Variants in PDE3A observed in about 807,000 individuals in gnomAD.
PDE3A encodes the protein cGMP-inhibited 3',5'-cyclic phosphodiesterase 3A.
A neutral mutation model predicts 98.3 loss-of-function variants in PDE3A; 43 were observed. The observed-to-expected ratio is 0.44, with a 90% CI of 0.34 to 0.56. The LOEUF is 0.56. PDE3A is among the 20% of genes least tolerant of loss of function. PDE3A has a pLI of 0.01. For missense variants in PDE3A, 1,427 were observed against 1,440.7 expected (o/e 0.99, Z 0.15); for synonymous variants, 663 against 567.9 (o/e 1.17, Z -2.38).
At chr12:20,587,293 C>A (rs149869332) in intron 2 of PDE3A, among the ~76,000 whole-genome samples, 1 of 152,056 alleles carries the variant, frequency 6.6e-6, no homozygotes, top group South Asian at 2.1e-4. Context: ...CGCTTGAACG[C>A]GGGAGGCAGA....
intron 1 of PDE3A, among the ~76,000 whole-genome samples, chr12:20,453,927 C>T (rs919449945): frequency 4.6e-5 from 7 of 152,188 alleles, no homozygotes; most frequent in African/African-American, 1.2e-4. Context: ...TTACTCATCA[C>T]GCAGTGGCAG....
At chr12:20,589,639 C>T (rs1035252469) in intron 2 of PDE3A, among the ~76,000 whole-genome samples, 1 of 151,802 alleles carries the variant, frequency 6.6e-6, no homozygotes, top group Non-Finnish European at 1.5e-5. Flanking sequence ...GAGGCCGAGG[C>T]GGGCAGATCA....
intron 1 of PDE3A, chr12:20,551,813 G>A (rs1035596568): frequency 4.3e-6 from 7 of 1,613,856 alleles, no homozygotes; most frequent in African/African-American, 4.0e-5. Flanking sequence ...TCCTCACAGC[G>A]GGACTGGGAC....
At chr12:20,370,410 TTTTTTTTTTTTTG>T (rs1943450716) in intron 1 of PDE3A, 166 bp downstream of exon 1, 1 of 254,236 alleles carries the variant, frequency 3.9e-6, no homozygotes, top group Admixed American at 6.4e-5. Context: ...GTTTTTTTTG[TTTTTTTTTTTTTG>T]TTTTTTTGCC....
In PDE3A at chr12:20,679,846, GCATT is replaced by G. The variant is rs372040827; in HGVS notation, c.3185-183_3185-180del. 2.2e-4 allele frequency among the ~76,000 whole-genome samples: 33 copies of G among 148,020 alleles called. 1 individual carries two copies. The South Asian group carries it at 7.0e-3, about 31-fold the overall frequency. On this transcript the variant is annotated intron_variant, in intron 15 of 15. Coordinates refer to ENST00000359062, the MANE Select transcript of PDE3A (RefSeq NM_000921.5). ...TCTTTTTTCCCCATTCTCCAAAACT[GCATT>G]ATTATAATATACAGTATTATAATAT...
intron 2 of PDE3A, among the ~76,000 whole-genome samples, chr12:20,573,310 G>T (rs1782619090): frequency 6.6e-6 from 1 of 151,774 alleles, no homozygotes; most frequent in Admixed American, 6.6e-5. Context: ...CTCAGTTAAG[G>T]TTTTGGGGCA....
chr12:20,508,738 C>G (rs1196046700), intron 1 of PDE3A, among the ~76,000 whole-genome samples: 1 of 151,428 alleles, frequency 6.6e-6, no homozygotes, highest in African/African-American at 2.4e-5. Flanking sequence ...ACATAAAAAG[C>G]TCATTGTGAT....
intron 1 of PDE3A, among the ~76,000 whole-genome samples, chr12:20,521,307 G>T (rs1946420997): frequency 6.6e-6 from 1 of 152,060 alleles, no homozygotes. Flanking sequence ...AAAATTTGTG[G>T]TACGAAAGAG....
intron 1 of PDE3A, among the ~76,000 whole-genome samples, chr12:20,460,253 TG>T (rs1268334284): frequency 6.6e-6 from 1 of 152,186 alleles, no homozygotes; most frequent in African/African-American, 2.4e-5. Context: ...ATCAGAAAGA[TG>T]GGGATGGAGT....
chr12:20,608,258 G>C (rs960973034), intron 2 of PDE3A, among the ~76,000 whole-genome samples: 2 of 152,294 alleles, frequency 1.3e-5, no homozygotes, highest in Admixed American at 6.5e-5. Flanking sequence ...GAAGCCTTTA[G>C]TTATTTGAGC....
chr12:20,544,213 A>T (rs2121229451), intron 1 of PDE3A, among the ~76,000 whole-genome samples: 1 of 150,080 alleles, frequency 6.7e-6, no homozygotes, highest in East Asian at 1.9e-4. Context: ...GTGTATATAT[A>T]TTTCCCTAAT....
At chr12:20,539,989 G>A (rs549763981) in intron 1 of PDE3A, among the ~76,000 whole-genome samples, 2 of 152,214 alleles carry the variant, frequency 1.3e-5, no homozygotes, top group Non-Finnish European at 2.9e-5. Flanking sequence ...ATTGGGATTT[G>A]ATTATAAGAA....
chr12:20,517,123 C>T (rs968287626), intron 1 of PDE3A, among the ~76,000 whole-genome samples: 1 of 152,212 alleles, frequency 6.6e-6, no homozygotes, highest in East Asian at 1.9e-4. Context: ...TCATACTTTC[C>T]AATGCGGTTC....
Position 20,685,601 on chromosome 12 carries a change from G to C in PDE3A, c.*5330G>C, listed in dbSNP as rs1260629446. Among the ~76,000 whole-genome samples, 1 of 151,912 alleles carries C rather than the reference G, an allele frequency of 6.6e-6. No individual in the cohort carries two copies. The highest frequency in any genetic ancestry group is 2.4e-5 in the African/African-American group (1 of 41,354). On this transcript the variant is annotated 3_prime_UTR_variant, in exon 16 of 16. Coordinates refer to ENST00000359062, the MANE Select transcript of PDE3A (RefSeq NM_000921.5). ...TATATATAAATGGAAAACAAAATTA[G>C]CTTTTGACATATGTTTAAGTCTCTA... is the stretch of plus-strand genomic sequence containing the variant.
intron 1 of PDE3A, among the ~76,000 whole-genome samples, chr12:20,446,053 C>A (rs1944947694): frequency 6.6e-6 from 1 of 152,104 alleles, no homozygotes; most frequent in Admixed American, 6.6e-5. Flanking sequence ...GCCATTCTTA[C>A]CAAATAACTT....
intron 15 of PDE3A, among the ~76,000 whole-genome samples, chr12:20,655,402 A>G (rs1391804340): frequency 6.6e-6 from 1 of 152,198 alleles, no homozygotes; most frequent in Non-Finnish European, 1.5e-5. Context: ...TTCAGGGAGC[A>G]GCAGGAGAAC....
chr12:20,472,802 A>G (rs578010287), intron 1 of PDE3A, among the ~76,000 whole-genome samples: 106 of 152,328 alleles, frequency 7.0e-4, no homozygotes, highest in South Asian at 3.7e-3. Context: ...AATGTTGGAA[A>G]AGTAAACAGC....
chr12:20,595,885 AGAT>A (rs1943454870), intron 2 of PDE3A, among the ~76,000 whole-genome samples: 3 of 152,292 alleles, frequency 2.0e-5, no homozygotes, highest in Non-Finnish European at 4.4e-5. Context: ...CCCTATTTTA[AGAT>A]GAAATGAAAT....
chr12:20,499,113 C>CCTGTG (rs1945976509), intron 1 of PDE3A, among the ~76,000 whole-genome samples: 1 of 152,032 alleles, frequency 6.6e-6, no homozygotes, highest in Non-Finnish European at 1.5e-5. Context: ...CATCAGCAAC[C>CCTGTG]CTGTGACCTT....
Sources: allele counts gnomAD v4.1 joint callset (sites outside exome capture counted in the v4.1 genomes callset), GRCh38; gene constraint gnomAD v4.1.1; transcripts MANE v1.5; gene names NCBI Gene and HGNC (gene_info 2026-07-23, HGNC 2026-07-21).